Variants in SYNE3 observed in about 807,000 individuals in gnomAD.
The protein encoded by SYNE3 is nesprin-3.
Under a neutral mutation model 111.2 loss-of-function variants are expected in SYNE3, and 100 were observed. That is an observed-to-expected ratio of 0.90 (90% CI 0.77 to 1.06). SYNE3 has a LOEUF of 1.06. Among genes scored for constraint, SYNE3 ranks in the 50% least tolerant of loss-of-function variants. The pLI is 0.00. For synonymous variants in SYNE3, 547 were observed against 533.9 expected, an observed-to-expected ratio of 1.02 and a Z score of -0.34; for missense variants, 1,160 against 1,240.3, an observed-to-expected ratio of 0.94 and a Z score of 0.97.
At chr14:95,458,888 G>A (rs1478306514) in intron 4 of SYNE3, among the ~76,000 whole-genome samples, 1 of 152,252 alleles carries the variant, frequency 6.6e-6, no homozygotes, top group Non-Finnish European at 1.5e-5. Context: ...CCTATGCTAG[G>A]TGTGCATGGA....
At chr14:95,492,579 G>A (rs1889901229) in intron 1 of SYNE3, among the ~76,000 whole-genome samples, 1 of 152,214 alleles carries the variant, frequency 6.6e-6, no homozygotes, top group South Asian at 2.1e-4. Context: ...TACAGAGGCA[G>A]AAAGTAGATT....
rs1487491912 is a variant in SYNE3 at position 95,413,168 on chromosome 14, C to T, written c.*4658G>A. 1 of 132,732 alleles carries T rather than the reference C, an allele frequency of 7.5e-6. No homozygotes were observed. Among genetic ancestry groups the T allele is most frequent in the Non-Finnish European group, 1.6e-5 (1 of 61,188 alleles). 8.2% of individuals were successfully genotyped at this position (132,732 alleles called of 1,614,324 possible). ...TTTCTCTCTCTCTATCCCTCCCTCC[C>T]TCCCTCCCTTCCTCCTTTTCTCTCT... On this transcript the variant is annotated 3_prime_UTR_variant, in exon 18 of 18. Coordinates refer to ENST00000682763, the MANE Select transcript of SYNE3 (RefSeq NM_152592.6).
Position 95,436,920 on chromosome 14 carries a change from A to G in SYNE3, c.2438T>C (p.Phe813Ser), listed in dbSNP as rs776012276. 3 of 1,614,138 alleles carry G rather than the reference A, an allele frequency of 1.9e-6. No homozygotes were observed. The highest frequency in any genetic ancestry group is 1.7e-5 in the Admixed American group (1 of 60,026). Residue 813 changes from phenylalanine to serine, a missense_variant, in exon 15 of 18, where the codon TTT becomes TCT. Physicochemically the swap from Phe to Ser is radical, Grantham distance 155. Transcript: ENST00000682763. ...GTTTTCCACCTGCAACCACTGCCCA[A>G]AGTTCCTCAGGAGCTGGGAGAAATC... ...HEDFSQLLRN[F>S]GQWLQVENSK...
chr14:95,499,750 C>T (rs1037915270), intron 1 of SYNE3, among the ~76,000 whole-genome samples: 1 of 152,050 alleles, frequency 6.6e-6, no homozygotes, highest in Non-Finnish European at 1.5e-5. Context: ...CCCCAGCAGT[C>T]CCTTAGCAGA....
chr14:95,488,251 G>A (rs765509015), intron 1 of SYNE3, among the ~76,000 whole-genome samples: 22 of 152,068 alleles, frequency 1.4e-4, no homozygotes, highest in Non-Finnish European at 2.1e-4. Flanking sequence ...AATGTGCAAG[G>A]GTCAACTGTA....
chr14:95,461,361 AAAAC>A (rs1377566142), intron 4 of SYNE3, among the ~76,000 whole-genome samples: 2 of 152,194 alleles, frequency 1.3e-5, no homozygotes, highest in Non-Finnish European at 1.5e-5. Context: ...ATCGGGATTA[AAAAC>A]AAACAAACAA....
At chr14:95,482,873 C>A (rs988055297) in intron 1 of SYNE3, among the ~76,000 whole-genome samples, 5 of 152,164 alleles carry the variant, frequency 3.3e-5, no homozygotes, top group African/African-American at 1.2e-4. Context: ...ATGATACTAA[C>A]AACGCTGCCC....
At chr14:95,424,426 G>A (rs1885324775) in intron 17 of SYNE3, among the ~76,000 whole-genome samples, 1 of 152,162 alleles carries the variant, frequency 6.6e-6, no homozygotes, top group South Asian at 2.1e-4. Context: ...ACAGGTCCTG[G>A]AGAACCTGAG....
At chr14:95,438,409 A>C (rs929234704) in intron 14 of SYNE3, 7 of 152,732 alleles carry the variant, frequency 4.6e-5, no homozygotes, top group African/African-American at 1.7e-4. Context: ...TTTTAATACA[A>C]GGCTGTGTGC....
In SYNE3 at chr14:95,455,667, A is replaced by G. The variant is rs568348358; in HGVS notation, c.847T>C (p.Ser283Pro). Residue 283 changes from serine (S) to proline (P), a missense_variant, in exon 6 of 18, where the codon TCT (serine) becomes CCT (proline). Ser to Pro is a moderately conservative substitution (Grantham distance 74, BLOSUM62 -1). Transcript: ENST00000682763. ...EESLETLEEQ[S>P]AGVIRNTSPL... Reference sequence around the variant, plus strand: ...GAGGTGTTCCGAATGACACCCGCAGACTGCTCCTCCAGCGTCTCCAGAGAC... The same window carrying G: ...GAGGTGTTCCGAATGACACCCGCAGGCTGCTCCTCCAGCGTCTCCAGAGAC... 6.2e-7 allele frequency: 1 copy of G among 1,614,178 alleles called. No individual in the cohort carries two copies. The highest frequency in any genetic ancestry group is 1.3e-5 in the African/African-American group (1 of 75,050).
chr14:95,420,729 T>G (rs112404918), intron 17 of SYNE3, among the ~76,000 whole-genome samples: 1 of 149,396 alleles, frequency 6.7e-6, no homozygotes, highest in African/African-American at 2.5e-5. Flanking sequence ...CACACACACA[T>G]ACACACACAC....
rs947039555 is a variant in SYNE3, at chr14:95,486,647, G to C, written c.-14-10812C>G. On this transcript the variant is annotated intron_variant, in intron 1 of 17. Coordinates refer to ENST00000682763, the MANE Select transcript of SYNE3 (RefSeq NM_152592.6). ...AAACCCCAGCGGCCCATGGACAGAC[G>C]CTTTTAAAGCAAAATTATGGCTGCA... Among the ~76,000 whole-genome samples the C allele has an allele frequency of 3.9e-5, 6 of 152,210 alleles. 1 individual carries two copies. The highest frequency in any genetic ancestry group is 3.9e-4 in the East Asian group (2 of 5,188).
intron 2 of SYNE3, among the ~76,000 whole-genome samples, chr14:95,469,967 C>T (rs769931367): frequency 6.6e-6 from 1 of 152,150 alleles, no homozygotes; most frequent in Non-Finnish European, 1.5e-5. Context: ...CAAACAAGCT[C>T]CTTCCAAAGG....
rs1309350588 is a variant in SYNE3, at chr14:95,433,265, G to C, written c.2683C>G (p.Leu895Val). The C allele has an allele frequency of 6.2e-7, 1 of 1,613,598 alleles. No homozygotes were observed. Among genetic ancestry groups the C allele is most frequent in the South Asian group, 1.1e-5 (1 of 91,038 alleles). The part of the protein sequence containing the change: ...YKSKLKDSGH[L>V]LTQSSPGEPT... ...TGCACATCCTTGGCACCTACCAGCA[G>C]GTGGCCAGAGTCCTTCAGCTTGGAC... The change falls in exon 16 of 18, where the codon CTG becomes GTG. Residue 895 changes from leucine (L) to valine (V), a missense_variant. Leu to Val is a conservative substitution (Grantham distance 32). Transcript: ENST00000682763.
intron 4 of SYNE3, among the ~76,000 whole-genome samples, chr14:95,461,436 A>T (rs1595219105): frequency 6.6e-6 from 1 of 152,198 alleles, no homozygotes; most frequent in Non-Finnish European, 1.5e-5. Context: ...GCGGGCTGAC[A>T]ATGTGCCATT....
At chr14:95,466,386 GC>G (rs1241181739) in intron 3 of SYNE3, 146 bp from the exon 4 acceptor site, 1 of 902,372 alleles carries the variant, frequency 1.1e-6, no homozygotes, top group Admixed American at 3.1e-5. Context: ...AGTCACCTGG[GC>G]AGCTTGTTGA....
At chr14:95,460,112 C>A (rs536910413) in intron 4 of SYNE3, among the ~76,000 whole-genome samples, 7 of 152,240 alleles carry the variant, frequency 4.6e-5, no homozygotes, top group African/African-American at 1.7e-4. Context: ...AAAACAGCAA[C>A]AACAACAACA....
chr14:95,475,654 A>T, intron 2 of SYNE3, 24 bp downstream of exon 2: 3 of 1,487,186 alleles, frequency 2.0e-6, no homozygotes, highest in Non-Finnish European at 2.7e-6. Flanking sequence ...CCACAGGGCC[A>T]TCTGAGGCCA....
In SYNE3 at chr14:95,481,999, C is replaced by A. The variant is rs111460553; in HGVS notation, c.-14-6164G>T. Among the ~76,000 whole-genome samples the A allele has an allele frequency of 8.7e-3, 1,331 of 152,346 alleles. 24 individuals carry two copies. The highest frequency in any genetic ancestry group is 0.03 in the African/African-American group (1,240 of 41,574). On this transcript the variant is annotated intron_variant, in intron 1 of 17. Transcript: ENST00000682763. ...TCCAGACCTCTCTCCCTCCCTTCCCCTTCCCCGGCTCTCCAAAGCTCAGGG... is the reference window on the plus strand; with the variant it reads ...TCCAGACCTCTCTCCCTCCCTTCCCATTCCCCGGCTCTCCAAAGCTCAGGG...
Sources: gnomAD v4.1 joint callset for allele counts (sites outside exome capture counted in the v4.1 genomes callset) on GRCh38, gnomAD v4.1.1 for gene constraint, MANE v1.5 for transcripts, NCBI Gene and HGNC (gene_info 2026-07-23, HGNC 2026-07-21) for gene names.